The following BDP1 variants were observed in gnomAD, a reference collection of about 807,000 sequenced individuals.
BDP1 encodes the protein transcription factor TFIIIB component B'' homolog.
In BDP1, 169 loss-of-function variants were observed where a neutral mutation model predicts 266.6. The ratio of observed to expected loss-of-function variants is 0.63; its 90% CI spans 0.56 to 0.72. BDP1 has a LOEUF of 0.72. Among genes scored for constraint, BDP1 ranks in the 30% least tolerant of loss-of-function variants. The pLI, the probability that BDP1 is intolerant of heterozygous loss-of-function variation, is 0.00. For synonymous variants in BDP1, 1,090 were observed against 1,022.4 expected, an observed-to-expected ratio of 1.07 and a Z score of -1.26; for missense variants, 3,015 against 3,053.8, an observed-to-expected ratio of 0.99 and a Z score of 0.30.
At chr5:71,561,712 C>CA (rs1219345693) in intron 37 of BDP1, among the ~76,000 whole-genome samples, 1 of 152,166 alleles carries the variant, frequency 6.6e-6, no homozygotes, top group African/African-American at 2.4e-5. Flanking sequence ...CTTTGCTACT[C>CA]AGAGTGTAGT....
At position 71,461,834 on chromosome 5, in the gene BDP1, A is replaced by G. The variant is rs1248799494; in HGVS notation, c.507A>G (p.Lys169=). ...LRKEKKQWKN[K]YAINESQRPP... ...GTATACAGAAACAATGGAAAAACAA[A>G]TATGCTATAAATGAAAGTCAGAGGC... is the stretch of plus-strand genomic sequence containing the variant. The change falls in exon 3 of 39, where the codon AAA becomes AAG. Residue 169 remains lysine (K), a synonymous_variant. Transcript: ENST00000358731. 6.9e-6 allele frequency: 11 copies of G among 1,599,008 alleles called. No individual in the cohort carries two copies. Among genetic ancestry groups the G allele is most frequent in the Admixed American group, 1.7e-5 (1 of 57,792 alleles).
downstream of BDP1, among the ~76,000 whole-genome samples, chr5:71,568,252 ATC>A (rs1245479477): frequency 6.6e-6 from 1 of 152,202 alleles, no homozygotes; most frequent in African/African-American, 2.4e-5. Flanking sequence ...TCCACACAGC[ATC>A]TCTGTTTGCT....
intron 34 of BDP1, 55 bp from the exon 35 acceptor site, chr5:71,553,061 A>G: frequency 7.2e-7 from 1 of 1,383,858 alleles, no homozygotes; most frequent in East Asian, 2.3e-5. Flanking sequence ...TTAAAAAAAA[A>G]AGTGTTAAAT....
chr5:71,467,241 A>G lies in BDP1; in HGVS notation c.786-113A>G, dbSNP rs1446507802. Reference sequence around the variant, plus strand: ...ACCCATATTTCACATAGGTATTATTATGCCTTTGATATGATTGCCATGCTA... The same window carrying G: ...ACCCATATTTCACATAGGTATTATTGTGCCTTTGATATGATTGCCATGCTA... On this transcript the variant is annotated intron_variant, in intron 5 of 38. Transcript: ENST00000358731. 9 of 826,604 alleles carry G rather than the reference A, an allele frequency of 1.1e-5. No individual in the cohort carries two copies. In the Admixed American group the frequency reaches 2.2e-4, roughly 21 times the overall value. 51.2% of individuals were successfully genotyped at this position (826,604 alleles called of 1,614,324 possible).
chr5:71,487,704 A>C (rs907211283), intron 9 of BDP1, among the ~76,000 whole-genome samples: 7 of 152,216 alleles, frequency 4.6e-5, no homozygotes, highest in Non-Finnish European at 7.3e-5. Context: ...TCGATTATCC[A>C]CTAGGAAGAC....
At chr5:71,498,051 C>T (rs534702382) in intron 13 of BDP1, among the ~76,000 whole-genome samples, 96 of 151,316 alleles carry the variant, frequency 6.3e-4, no homozygotes, top group Middle Eastern at 3.4e-3. Flanking sequence ...CCCAGGTTCA[C>T]GCCATTCTCC....
At chr5:71,560,377 A>G (rs1743553930) in intron 37 of BDP1, 140 bp downstream of exon 37, 1 of 962,364 alleles carries the variant, frequency 1.0e-6, no homozygotes, top group African/African-American at 1.7e-5. Context: ...AAAAAGTTTC[A>G]GCCAAGGAAA....
At chr5:71,531,859 C>T (rs549232656) in intron 25 of BDP1, among the ~76,000 whole-genome samples, 6 of 152,204 alleles carry the variant, frequency 3.9e-5, no homozygotes, top group African/African-American at 1.2e-4. Context: ...CATTTATGAC[C>T]GTATATAATT....
Position 71,563,078 on chromosome 5 carries a change from T to G in BDP1, c.7743+558T>G, listed in dbSNP as rs182826251. 4.6e-5 allele frequency among the ~76,000 whole-genome samples: 7 copies of G among 152,344 alleles called. No homozygotes were observed. In the East Asian group the frequency reaches 1.3e-3, roughly 29 times the overall value. ...TTTAAAAACATTTTGTATTATTTGTTAGAATTATTTTCTGAGATCAAGATA... is the reference window on the plus strand; with the variant it reads ...TTTAAAAACATTTTGTATTATTTGTGAGAATTATTTTCTGAGATCAAGATA... On this transcript the variant is annotated intron_variant, in intron 38 of 38. Coordinates refer to ENST00000358731, the MANE Select transcript of BDP1 (RefSeq NM_018429.3).
At chr5:71,544,795 G>A (rs1742148468) in intron 31 of BDP1, among the ~76,000 whole-genome samples, 2 of 145,440 alleles carry the variant, frequency 1.4e-5, no homozygotes, top group Non-Finnish European at 3.0e-5. Flanking sequence ...CAGGAGAATC[G>A]TGTGAACCTG....
rs1354091586 is a variant in BDP1 at position 71,510,715 on chromosome 5, C to T, written c.3623C>T (p.Ser1208Leu). 6.2e-6 allele frequency: 10 copies of T among 1,613,878 alleles called. No individual in the cohort carries two copies. Among genetic ancestry groups the T allele is most frequent in the East Asian group, 2.2e-5 (1 of 44,884 alleles). Residue 1208 changes from serine to leucine, a missense_variant, in exon 17 of 39, where the codon TCG (serine) becomes TTG (leucine). Coordinates refer to ENST00000358731, the MANE Select transcript of BDP1 (RefSeq NM_018429.3). ...TTGGAAGAAACTGAAAGAGAAATAT[C>T]GCCACAGGAAAATGGCCCAGAGGAG... ...TDLEETEREI[S>L]PQENGPEEVK...
intron 9 of BDP1, among the ~76,000 whole-genome samples, chr5:71,488,376 C>T (rs1763392483): frequency 6.6e-6 from 1 of 151,556 alleles, no homozygotes; most frequent in Admixed American, 6.6e-5. Context: ...GATCGCCCAC[C>T]TTGGCCTCCC....
At chr5:71,541,774 A>T in intron 29 of BDP1, 92 bp downstream of exon 29, 1 of 806,940 alleles carries the variant, frequency 1.2e-6, no homozygotes, top group Non-Finnish European at 1.9e-6. Flanking sequence ...AAAGTAGGCA[A>T]TGCTAATTTC....
chr5:71,455,817 C>A lies in BDP1; in HGVS notation c.-61C>A. 2 of 1,446,026 alleles carry A rather than the reference C, an allele frequency of 1.4e-6. No individual in the cohort carries two copies. The highest frequency in any genetic ancestry group is 1.9e-6 in the Non-Finnish European group (2 of 1,072,194). The allele number at this position is 1,446,026 out of a possible 1,614,324, so 89.6% of individuals were successfully genotyped here. On this transcript the variant is annotated 5_prime_UTR_variant, in exon 1 of 39. Transcript: ENST00000358731. Reference sequence around the variant, plus strand: ...GTTCCTAATCCCCTTTCCGGGCAGCCGCCGGGGCTCGGGGCTGTGAGCGGC... The same window carrying A: ...GTTCCTAATCCCCTTTCCGGGCAGCAGCCGGGGCTCGGGGCTGTGAGCGGC...
At chr5:71,537,869 G>C (rs903097971) in intron 26 of BDP1, 1 of 155,628 alleles carries the variant, frequency 6.4e-6, no homozygotes, top group Non-Finnish European at 1.5e-5. Context: ...TGTGCATGCT[G>C]GGTGCCTGTG....
At chr5:71,456,426 C>T (rs1333813428) in intron 1 of BDP1, among the ~76,000 whole-genome samples, 1 of 152,188 alleles carries the variant, frequency 6.6e-6, no homozygotes, top group Non-Finnish European at 1.5e-5. Context: ...TTCTGGAGTG[C>T]TTTGCAGGGA....
In BDP1 at chr5:71,542,282, T is replaced by A. The variant is rs574376994; in HGVS notation, c.6412+17T>A. 8 of 1,577,402 alleles carry A rather than the reference T, an allele frequency of 5.1e-6. No homozygotes were observed. In the East Asian group the frequency reaches 1.8e-4, roughly 36 times the overall value. On this transcript the variant is annotated intron_variant, in intron 30 of 38. Transcript: ENST00000358731. ...CTCAAAGAGGTAAATTTTATTCTCT[T>A]AATATGTTGCAAAATCATTTTGACA...
chr5:71,456,025 C>A lies in BDP1; in HGVS notation c.148C>A (p.Pro50Thr). The change falls in exon 1 of 39, where the codon CCC becomes ACC. Residue 50 changes from proline (P) to threonine (T), a missense_variant. This residue lies in a region of BDP1 where 2,383 missense variants were observed against 2,404.9 expected (regional missense o/e 0.99). Transcript: ENST00000358731. ...ATDSASKPAE[P>T]TDVPTVDFGG... ...GGACTCTGCTTCCAAGCCCGCGGAGCCCACAGATGTGCCCACAGTCGATTT... is the reference window on the plus strand; with the variant it reads ...GGACTCTGCTTCCAAGCCCGCGGAGACCACAGATGTGCCCACAGTCGATTT... 1 of 1,613,450 alleles carries A rather than the reference C, an allele frequency of 6.2e-7. No homozygotes were observed. Among genetic ancestry groups the A allele is most frequent in the Non-Finnish European group, 8.5e-7 (1 of 1,179,898 alleles).
intron 20 of BDP1, among the ~76,000 whole-genome samples, 183 bp from the exon 21 acceptor site, chr5:71,515,878 G>T (rs1262395162): frequency 1.3e-5 from 2 of 152,064 alleles, no homozygotes; most frequent in Admixed American, 1.3e-4. Flanking sequence ...TACCTTTTAA[G>T]AATTGACATA....
Sources: gnomAD v4.1 joint callset for allele counts (sites outside exome capture counted in the v4.1 genomes callset) on GRCh38, gnomAD v4.1.1 for gene constraint, gnomAD v4.1.1 regional missense constraint, MANE v1.5 for transcripts, NCBI Gene and HGNC (gene_info 2026-07-23, HGNC 2026-07-21) for gene names.